NR2F1-AS1: variants seen among roughly 807,000 people sequenced by gnomAD.
The protein encoded by NR2F1-AS1 is NR2F1 regulatory antisense RNA 1.
chr5:93,432,219 T>G (rs1279621217), intron 4 of NR2F1-AS1: 1 of 152,154 alleles, frequency 6.6e-6, no homozygotes, highest in African/African-American at 2.4e-5. Context: ...TTATATATAG[T>G]CAATTCTTTT....
At chr5:93,433,716 T>A (rs1749375118) in intron 4 of NR2F1-AS1, among the ~76,000 whole-genome samples, 2 of 152,196 alleles carry the variant, frequency 1.3e-5, no homozygotes, top group South Asian at 4.1e-4. Context: ...CCTTGTCTAT[T>A]CTGAATCATT....
chr5:93,448,262 A>G (rs1429896045), intron 4 of NR2F1-AS1, among the ~76,000 whole-genome samples: 1 of 152,114 alleles, frequency 6.6e-6, no homozygotes, highest in Non-Finnish European at 1.5e-5. Flanking sequence ...AAATAACACA[A>G]TCTCATGTTA....
intron 4 of NR2F1-AS1, among the ~76,000 whole-genome samples, chr5:93,471,018 T>A (rs964850766): frequency 1.3e-5 from 2 of 151,910 alleles, no homozygotes; most frequent in Non-Finnish European, 3.0e-5. Flanking sequence ...AAATTTTACT[T>A]TTAAACATTA....
At chr5:93,497,574 A>G (rs1471144189) in intron 4 of NR2F1-AS1, among the ~76,000 whole-genome samples, 3 of 152,158 alleles carry the variant, frequency 2.0e-5, no homozygotes, top group African/African-American at 7.2e-5. Context: ...CAGGACCTGG[A>G]ATTATCTCGT....
chr5:93,462,310 G>A (rs925843902), intron 4 of NR2F1-AS1, among the ~76,000 whole-genome samples: 4 of 152,078 alleles, frequency 2.6e-5, no homozygotes, highest in Admixed American at 6.5e-5. Context: ...GGGGAGTTTC[G>A]CTGCACAAGC....
At chr5:93,512,547 A>C (rs555064471) in intron 4 of NR2F1-AS1, among the ~76,000 whole-genome samples, 1 of 152,302 alleles carries the variant, frequency 6.6e-6, no homozygotes, top group African/African-American at 2.4e-5. Context: ...CAGTGCTTAT[A>C]AAGTCTACAG....
intron 4 of NR2F1-AS1, among the ~76,000 whole-genome samples, chr5:93,531,657 T>A (rs1751738821): frequency 6.6e-6 from 1 of 152,220 alleles, no homozygotes; most frequent in Admixed American, 6.5e-5. Flanking sequence ...CAACTTTCTA[T>A]CATCTACTTT....
chr5:93,414,017 A>G (rs779494811), intron 4 of NR2F1-AS1, among the ~76,000 whole-genome samples: 1 of 152,240 alleles, frequency 6.6e-6, no homozygotes, highest in Non-Finnish European at 1.5e-5. Flanking sequence ...GACTTCTACT[A>G]TAAAATGTTT....
chr5:93,494,584 C>T (rs1347455189), intron 4 of NR2F1-AS1, among the ~76,000 whole-genome samples: 1 of 152,138 alleles, frequency 6.6e-6, no homozygotes, highest in Non-Finnish European at 1.5e-5. Context: ...CACTGCACTC[C>T]AGCCTGGGCA....
intron 1 of NR2F1-AS1, among the ~76,000 whole-genome samples, chr5:93,565,651 T>G (rs1037204499): frequency 1.3e-5 from 2 of 151,954 alleles, no homozygotes; most frequent in Non-Finnish European, 2.9e-5. Context: ...TTTCTAGTCT[T>G]TTTTTATGTA....
At chr5:93,503,955 G>A (rs1246513167) in intron 4 of NR2F1-AS1, among the ~76,000 whole-genome samples, 3 of 152,182 alleles carry the variant, frequency 2.0e-5, no homozygotes, top group Non-Finnish European at 4.4e-5. Flanking sequence ...GTGAGTCACT[G>A]AATCTGGGGG....
chr5:93,576,876 C>T (rs1752909471), intron 1 of NR2F1-AS1, among the ~76,000 whole-genome samples: 1 of 152,216 alleles, frequency 6.6e-6, no homozygotes, highest in East Asian at 1.9e-4. Flanking sequence ...TTCATCCAAA[C>T]CTAATCCATT....
chr5:93,440,941 CA>C (rs1408113550), intron 4 of NR2F1-AS1, among the ~76,000 whole-genome samples: 1 of 152,158 alleles, frequency 6.6e-6, no homozygotes, highest in Non-Finnish European at 1.5e-5. Flanking sequence ...TCCTTTACTC[CA>C]AAAACCCAAT....
chr5:93,514,614 A>G (rs1291861753), intron 4 of NR2F1-AS1, among the ~76,000 whole-genome samples: 1 of 152,124 alleles, frequency 6.6e-6, no homozygotes, highest in Non-Finnish European at 1.5e-5. Flanking sequence ...TATTATTAAC[A>G]TATCTCTTTT....
intron 4 of NR2F1-AS1, among the ~76,000 whole-genome samples, chr5:93,545,615 C>G (rs1472113929): frequency 6.6e-6 from 1 of 152,204 alleles, no homozygotes; most frequent in Non-Finnish European, 1.5e-5. Context: ...AGGCAAATTG[C>G]TCTTTTTCTC....
intron 4 of NR2F1-AS1, among the ~76,000 whole-genome samples, chr5:93,433,064 C>T (rs1258894614): frequency 6.6e-6 from 1 of 152,130 alleles, no homozygotes; most frequent in African/African-American, 2.4e-5. Flanking sequence ...TCATGCTTCT[C>T]CTATGCCATG....
At chr5:93,455,359 A>G (rs1749924014) in intron 4 of NR2F1-AS1, among the ~76,000 whole-genome samples, 1 of 152,224 alleles carries the variant, frequency 6.6e-6, no homozygotes. Flanking sequence ...GTGATAAGTT[A>G]AAGATGTGTG....
intron 4 of NR2F1-AS1, among the ~76,000 whole-genome samples, chr5:93,457,504 A>G (rs1749977237): frequency 6.6e-6 from 1 of 152,200 alleles, no homozygotes; most frequent in Non-Finnish European, 1.5e-5. Flanking sequence ...AGTACAGAAC[A>G]AAATGGAGTC....
chr5:93,557,907 A>G (rs1338407468), intron 2 of NR2F1-AS1, among the ~76,000 whole-genome samples: 1 of 152,202 alleles, frequency 6.6e-6, no homozygotes, highest in African/African-American at 2.4e-5. Context: ...ATCTGTTATT[A>G]CTTCAACAGT....
Sources: gnomAD v4.1 joint callset for allele counts (sites outside exome capture counted in the v4.1 genomes callset) on GRCh38, gnomAD v4.1.1 for gene constraint, MANE v1.5 for transcripts, NCBI Gene and HGNC (gene_info 2026-07-23, HGNC 2026-07-21) for gene names.